The following ATP11A variants were observed in gnomAD, a reference collection of about 807,000 sequenced individuals.
ATP11A encodes the protein phospholipid-transporting ATPase IH.
ATP11A carries 81 observed loss-of-function variants against 154.4 expected under a neutral mutation model. The observed-to-expected ratio is 0.52, with a 90% confidence interval of 0.44 to 0.63. The LOEUF is 0.63. Ranked by LOEUF, ATP11A falls within the 30% of genes least tolerant of loss-of-function variation. The pLI, the probability that ATP11A is intolerant of heterozygous loss-of-function variation, is 0.00. For synonymous variants in ATP11A, 623 were observed against 585.9 expected (o/e 1.06, Z -0.91); for missense variants, 1,316 against 1,474.3 (o/e 0.89, Z 1.76).
intron 1 of ATP11A, among the ~76,000 whole-genome samples, chr13:112,761,593 TCGTG>T (rs1424007038): frequency 2.7e-5 from 4 of 148,134 alleles, no homozygotes; most frequent in Admixed American, 6.8e-5. Flanking sequence ...AAAGGGGACA[TCGTG>T]CACATAGGTT....
chr13:112,805,548 C>T (rs61963795), intron 3 of ATP11A, among the ~76,000 whole-genome samples: 4,412 of 151,922 alleles, frequency 0.029, 119 homozygotes, highest in Non-Finnish European at 0.041. Flanking sequence ...TGGTGGTGCA[C>T]ACCTGTAGTC....
At chr13:112,769,609 C>T (rs1439674367) in intron 1 of ATP11A, among the ~76,000 whole-genome samples, 1 of 152,264 alleles carries the variant, frequency 6.6e-6, no homozygotes, top group African/African-American at 2.4e-5. Context: ...CTCGACACCA[C>T]CCTGGTTTTC....
chr13:112,859,549 G>T lies in ATP11A; in HGVS notation c.2727+97G>T. The T allele has an allele frequency of 9.7e-7, 1 of 1,029,286 alleles. No individual in the cohort carries two copies. The highest frequency in any genetic ancestry group is 1.3e-5 in the South Asian group (1 of 78,568). 63.8% of individuals were successfully genotyped at this position (1,029,286 alleles called of 1,614,324 possible). ...GGGAGGGGAGACTTGGGAATGAGCA[G>T]CACTCCCCGGCACCACGAGGGAGCC... On this transcript the variant is annotated intron_variant, in intron 23 of 29. Coordinates refer to ENST00000375645, the MANE Select transcript of ATP11A (RefSeq NM_015205.3). The surrounding 1 kb of genome is among the most constrained non-coding windows in gnomAD (Gnocchi z 4.3).
Position 112,816,226 on chromosome 13 carries a change from C to G in ATP11A, c.570+15C>G, listed in dbSNP as rs1225224516. The G allele has an allele frequency of 6.2e-6, 10 of 1,614,064 alleles. No homozygotes were observed. Among genetic ancestry groups the G allele is most frequent in the Non-Finnish European group, 4.2e-6 (5 of 1,179,992 alleles). On this transcript the variant is annotated intron_variant, in intron 6 of 29. Transcript: ENST00000375645. ...CCAGCCATAAAGTAAGGGGCCTTTT[C>G]ATTAGACTCCAGGGCAGGATCTTCC...
chr13:112,757,548 A>G (rs1432534365), intron 1 of ATP11A, among the ~76,000 whole-genome samples: 1 of 152,200 alleles, frequency 6.6e-6, no homozygotes, highest in Non-Finnish European at 1.5e-5. Flanking sequence ...TCTGCAGAGG[A>G]GAACTGATTT....
chr13:112,734,491 G>T (rs1339719882), intron 1 of ATP11A, among the ~76,000 whole-genome samples: 1 of 152,036 alleles, frequency 6.6e-6, no homozygotes, highest in Non-Finnish European at 1.5e-5. Context: ...GCAGAAATTG[G>T]GTTTCTAGTG....
intron 2 of ATP11A, among the ~76,000 whole-genome samples, chr13:112,787,867 G>A (rs2077695038): frequency 6.8e-6 from 1 of 147,052 alleles, no homozygotes; most frequent in African/African-American, 2.6e-5. Context: ...ATAGACCCTT[G>A]TGGAGACCTA....
At chr13:112,815,986 TGAATAGATGAGCAGCTTGAGG>T in intron 5 of ATP11A, 76 bp from the exon 6 acceptor site, 2 of 1,534,856 alleles carry the variant, frequency 1.3e-6, no homozygotes, top group Non-Finnish European at 1.8e-6. Flanking sequence ...TGTCTTCCTG[TGAATAGATGAGCAGCTTGAGG>T]GAAGCGGTCC....
intron 16 of ATP11A, among the ~76,000 whole-genome samples, chr13:112,839,215 A>G (rs1183067609): frequency 2.6e-4 from 40 of 152,280 alleles, no homozygotes; most frequent in Non-Finnish European, 5.9e-5. Context: ...GCGGATGCTT[A>G]CTGCACCCAA....
chr13:112,825,651 G>T, intron 11 of ATP11A, 71 bp downstream of exon 11: 2 of 1,500,676 alleles, frequency 1.3e-6, no homozygotes, highest in South Asian at 1.3e-5. Context: ...TGTGGTGCAA[G>T]AAAAAGATGA....
intron 1 of ATP11A, among the ~76,000 whole-genome samples, chr13:112,716,897 CA>C (rs1308053141): frequency 6.7e-6 from 1 of 149,976 alleles, no homozygotes; most frequent in Non-Finnish European, 1.5e-5. Flanking sequence ...AATGATGGGG[CA>C]GTACTGGATC....
chr13:112,862,745 GTCCA>G (rs1420520155), intron 25 of ATP11A, among the ~76,000 whole-genome samples, 170 bp downstream of exon 25: 1 of 141,732 alleles, frequency 7.1e-6, no homozygotes, highest in Non-Finnish European at 1.5e-5. Flanking sequence ...TCCCAGCGGG[GTCCA>G]TCACCACATG....
At chr13:112,833,555 C>T in intron 14 of ATP11A, among the ~76,000 whole-genome samples, 1 of 152,202 alleles carries the variant, frequency 6.6e-6, no homozygotes, top group Admixed American at 6.5e-5. Flanking sequence ...CCATCCAGCT[C>T]ATGACTTCTG....
At chr13:112,704,823 G>T (rs1594346314) in intron 1 of ATP11A, among the ~76,000 whole-genome samples, 1 of 152,342 alleles carries the variant, frequency 6.6e-6, no homozygotes, top group East Asian at 1.9e-4. Context: ...AAAGGATTAG[G>T]GACAATGAGG....
chr13:112,708,654 G>A (rs1165015269), intron 1 of ATP11A, among the ~76,000 whole-genome samples: 5 of 152,216 alleles, frequency 3.3e-5, no homozygotes. Context: ...AAACCTCAGA[G>A]CGACTGAGTC....
intron 3 of ATP11A, 149 bp downstream of exon 3, chr13:112,805,195 C>G: frequency 5.9e-6 from 2 of 336,752 alleles, no homozygotes; most frequent in Non-Finnish European, 1.0e-5. Flanking sequence ...TAAGGAAGGG[C>G]AAAATGTCTT....
intron 2 of ATP11A, among the ~76,000 whole-genome samples, chr13:112,796,621 G>T (rs1385674042): frequency 6.6e-6 from 1 of 152,180 alleles, no homozygotes; most frequent in African/African-American, 2.4e-5. Flanking sequence ...GCAAACTTCT[G>T]ACCTCCAGAA....
At chr13:112,826,490 C>G (rs1386639450) in intron 11 of ATP11A, among the ~76,000 whole-genome samples, 1 of 152,228 alleles carries the variant, frequency 6.6e-6, no homozygotes, top group Non-Finnish European at 1.5e-5. Flanking sequence ...AGCTCAGCCC[C>G]TGGACCCGGC....
Position 112,753,519 on chromosome 13 carries a change from G to A in ATP11A, c.40-31616G>A, listed in dbSNP as rs765148822. Among the ~76,000 whole-genome samples the A allele has an allele frequency of 5.3e-5, 8 of 152,208 alleles. No homozygotes were observed. The highest frequency in any genetic ancestry group is 1.4e-4 in the African/African-American group (6 of 41,454). ...GCTGGATGAGATGCCACGTCCTGTT[G>A]TGGTTTTATCTTGTACTTCTCCTGC... On this transcript the variant is annotated intron_variant, in intron 1 of 29. Transcript: ENST00000375645. This position sits in a 1 kb window ranked among gnomAD's most constrained non-coding sequence, Gnocchi z 4.1.
Sources: gnomAD v4.1 joint callset for allele counts (sites outside exome capture counted in the v4.1 genomes callset) on GRCh38, gnomAD v4.1.1 for gene constraint, Gnocchi (gnomAD v3.1) non-coding constraint, MANE v1.5 for transcripts, NCBI Gene and HGNC (gene_info 2026-07-23, HGNC 2026-07-21) for gene names.